BBS1: variants seen among roughly 807,000 people sequenced by gnomAD.
BBS1 encodes Bardet-Biedl syndrome 1.
Under a neutral mutation model 73.9 loss-of-function variants are expected in BBS1, and 60 were observed. That is an observed-to-expected ratio of 0.81 (90% CI 0.66 to 1.01). The LOEUF (loss-of-function observed/expected upper bound fraction) is 1.01, where lower values mean the gene tolerates loss of function less well. Among genes scored for constraint, BBS1 ranks in the 50% least tolerant of loss-of-function variants. BBS1 has a pLI of 0.00. For synonymous variants in BBS1, 283 were observed against 317.4 expected, an observed-to-expected ratio of 0.89 and a Z score of 1.15; for missense variants, 718 against 770.3, an observed-to-expected ratio of 0.93 and a Z score of 0.80.
chr11:66,531,019 C>A lies in BBS1; in HGVS notation c.1599C>A (p.Ala533=), dbSNP rs1264362211. The change falls in exon 15 of 17, where the codon GCC becomes GCA. Residue 533 remains alanine, a synonymous_variant. Coordinates refer to ENST00000318312, the MANE Select transcript of BBS1 (RefSeq NM_024649.5). Reference sequence around the variant, plus strand: ...AGGCGCTCTATTCCCTGCCCCGGGCCTTCTTCAAGGTACTGGATGCTCCTC... The same window carrying A: ...AGGCGCTCTATTCCCTGCCCCGGGCATTCTTCAAGGTACTGGATGCTCCTC... ...YNEALYSLPR[A]FFKVPLLVPG... 1 of 1,614,104 alleles carries A rather than the reference C, an allele frequency of 6.2e-7. No homozygotes were observed. Among genetic ancestry groups the A allele is most frequent in the Non-Finnish European group, 8.5e-7 (1 of 1,180,040 alleles).
intron 4 of BBS1, 80 bp downstream of exon 4, chr11:66,514,758 G>T: frequency 6.5e-7 from 1 of 1,547,004 alleles, no homozygotes; most frequent in South Asian, 1.1e-5. Context: ...CTCCTGGGAA[G>T]AACGTGGGCT....
rs200532823 is a variant in BBS1 at position 66,515,665 on chromosome 11, G to C, written c.480-28G>C. ...CCCCAGGGCCCCATTCTTCCATTCG[G>C]CTGCCATGCTGGCCCCTTTCCTTGC... On this transcript the variant is annotated intron_variant, in intron 5 of 16. Coordinates refer to ENST00000318312, the MANE Select transcript of BBS1 (RefSeq NM_024649.5). The C allele has an allele frequency of 2.0e-4, 327 of 1,614,120 alleles. No individual in the cohort carries two copies. The highest frequency in any genetic ancestry group is 2.4e-4 in the Non-Finnish European group (286 of 1,180,022).
At chr11:66,520,264 A>C (rs1375720129) in intron 8 of BBS1, 1 of 157,752 alleles carries the variant, frequency 6.3e-6, no homozygotes. Context: ...ATAAAACCAC[A>C]TCAGCCTTTT....
Position 66,514,527 on chromosome 11 carries a change from T to C in BBS1, c.281T>C (p.Met94Thr), listed in dbSNP as rs747229370. The C allele has an allele frequency of 1.9e-6, 3 of 1,614,206 alleles. No homozygotes were observed. In the Admixed American group the frequency reaches 5.0e-5, roughly 27 times the overall value. The change falls in exon 4 of 17, where the codon ATG becomes ACG. Residue 94 changes from methionine to threonine, a missense_variant. Met to Thr is a moderately conservative substitution (Grantham distance 81, BLOSUM62 -1). Coordinates refer to ENST00000318312, the MANE Select transcript of BBS1 (RefSeq NM_024649.5). ...CCAGCTGCTGCTGCCACCTTCCTCATGGAGCAACATGAGCCCCGGACCCCA... is the reference window on the plus strand; with the variant it reads ...CCAGCTGCTGCTGCCACCTTCCTCACGGAGCAACATGAGCCCCGGACCCCA... ...ALPAAAATFL[M>T]EQHEPRTPAL...
chr11:66,515,084 T>G (rs888459362), intron 4 of BBS1, among the ~76,000 whole-genome samples: 1 of 151,998 alleles, frequency 6.6e-6, no homozygotes, highest in African/African-American at 2.4e-5. Flanking sequence ...TCCCAAAGTG[T>G]TGGGATTACA....
intron 9 of BBS1, chr11:66,522,755 C>A: frequency 4.3e-6 from 1 of 231,952 alleles, no homozygotes; most frequent in Non-Finnish European, 8.6e-6. Context: ...GGTCCCTGTC[C>A]TCATGGCGAA....
intron 7 of BBS1, 109 bp downstream of exon 7, chr11:66,516,042 T>C (rs1462548598): frequency 4.7e-6 from 5 of 1,062,532 alleles, no homozygotes; most frequent in Non-Finnish European, 7.2e-6. Context: ...AGTATCTCTT[T>C]GCTATATCCC....
intron 13 of BBS1, among the ~76,000 whole-genome samples, chr11:66,527,219 AAGAGAG>A (rs148236786): frequency 2.0e-5 from 3 of 151,834 alleles, no homozygotes; most frequent in East Asian, 3.9e-4. Context: ...AAAAAAAAAA[AAGAGAG>A]AGAGAGAAAG....
At chr11:66,525,302 T>G (rs1856439687) in intron 11 of BBS1, among the ~76,000 whole-genome samples, 1 of 151,824 alleles carries the variant, frequency 6.6e-6, no homozygotes, top group Non-Finnish European at 1.5e-5. Flanking sequence ...AAGGTTGCAG[T>G]GAACTGAGAT....
rs147783319 is a variant in BBS1, at chr11:66,532,028, G to A, written c.1773G>A (p.Ala591=). The stretch of plus-strand genomic sequence containing the variant: ...ACATGCCTGGGAGCGAGGGGCTGGC[G>A]GCCGCCTGAGACCTGAGCTGCTGTG... ...HVNMPGSEGL[A]AA is the part of the protein sequence containing the mutation. The change falls in exon 17 of 17, where the codon GCG becomes GCA. Residue 591 remains alanine, a synonymous_variant. Transcript: ENST00000318312. 1.7e-5 allele frequency: 27 copies of A among 1,604,370 alleles called. No individual in the cohort carries two copies. Among genetic ancestry groups the A allele is most frequent in the Admixed American group, 1.0e-4 (6 of 58,898 alleles).
intron 11 of BBS1, 128 bp downstream of exon 11, chr11:66,524,010 T>C (rs1856372355): frequency 7.3e-7 from 1 of 1,365,392 alleles, no homozygotes; most frequent in East Asian, 2.5e-5. Flanking sequence ...CCAGGCACAG[T>C]GGCTCATGCC....
chr11:66,529,835 C>G lies in BBS1; in HGVS notation c.1356C>G (p.Phe452Leu). The change falls in exon 14 of 17, where the codon TTC becomes TTG. Residue 452 changes from phenylalanine to leucine, a missense_variant. Transcript: ENST00000318312. ...REAGTAMHRA[F>L]QTDLYLLRLR... ...TCTCCACAGCCATGCACCGGGCCTT[C>G]CAGACAGACCTATACCTGCTGCGCC... 1 of 1,611,324 alleles carries G rather than the reference C, an allele frequency of 6.2e-7. No individual in the cohort carries two copies. The highest frequency in any genetic ancestry group is 8.5e-7 in the Non-Finnish European group (1 of 1,179,988).
intron 7 of BBS1, among the ~76,000 whole-genome samples, chr11:66,516,593 C>T (rs546930532): frequency 6.6e-6 from 1 of 152,254 alleles, no homozygotes; most frequent in East Asian, 1.9e-4. Context: ...CTCCGTCACC[C>T]AGGCTGGAGT....
At chr11:66,524,092 C>A in intron 11 of BBS1, 1 of 651,618 alleles carries the variant, frequency 1.5e-6, no homozygotes, top group Non-Finnish European at 2.7e-6. Flanking sequence ...CCAGCCTAGC[C>A]AACATGGCAT....
chr11:66,517,132 G>C (rs1856067115), intron 7 of BBS1, among the ~76,000 whole-genome samples: 2 of 151,396 alleles, frequency 1.3e-5, no homozygotes, highest in Non-Finnish European at 2.9e-5. Flanking sequence ...CCGGGAGGCG[G>C]AGCTTGCAGT....
intron 7 of BBS1, among the ~76,000 whole-genome samples, chr11:66,518,757 C>CTT (rs58220840): frequency 0.018 from 2,414 of 131,596 alleles, 97 homozygotes; most frequent in East Asian, 0.13. Context: ...CAGCCCTTTT[C>CTT]TTTTTTTTTT....
At chr11:66,514,348 G>A (rs191015075) in intron 3 of BBS1, 58 bp from the exon 4 acceptor site, 3 of 1,602,038 alleles carry the variant, frequency 1.9e-6, no homozygotes, top group East Asian at 2.2e-5. Flanking sequence ...GGCAAGAAGA[G>A]GGTCAGTGGA....
In BBS1 at chr11:66,526,717, C is replaced by G; in HGVS notation, c.1249C>G (p.Pro417Ala). 6.2e-7 allele frequency: 1 copy of G among 1,614,178 alleles called. No homozygotes were observed. The highest frequency in any genetic ancestry group is 2.2e-5 in the East Asian group (1 of 44,872). The change falls in exon 13 of 17, where the codon CCC becomes GCC. Residue 417 changes from proline to alanine, a missense_variant. Coordinates refer to ENST00000318312, the MANE Select transcript of BBS1 (RefSeq NM_024649.5). Reference sequence around the variant, plus strand: ...TGTAGAGGGAGGAAGTGAGGTGGGTCCCCCACCAGCCCAGGCCATGAAACT... The same window carrying G: ...TGTAGAGGGAGGAAGTGAGGTGGGTGCCCCACCAGCCCAGGCCATGAAACT... Reference protein sequence around the residue: ...VFVEGGSEVGPPPAQAMKLNV... With the variant: ...VFVEGGSEVGAPPAQAMKLNV...
intron 9 of BBS1, 92 bp from the exon 10 acceptor site, chr11:66,523,364 A>T (rs746512760): frequency 2.3e-4 from 368 of 1,571,664 alleles, no homozygotes; most frequent in Non-Finnish European, 3.1e-4. Context: ...TGTTCCTCCC[A>T]GGTGAGTCCA....
Sources: allele counts gnomAD v4.1 joint callset (sites outside exome capture counted in the v4.1 genomes callset), GRCh38; gene constraint gnomAD v4.1.1; transcripts MANE v1.5; gene names NCBI Gene and HGNC (gene_info 2026-07-23, HGNC 2026-07-21).